DYM: variants seen among roughly 807,000 people sequenced by gnomAD.
DYM encodes the protein dyggve-Melchior-Clausen syndrome protein.
In DYM, 78 loss-of-function variants were observed where a neutral mutation model predicts 93.1. The ratio of observed to expected loss-of-function variants is 0.84; its 90% CI spans 0.70 to 1.01. The LOEUF (loss-of-function observed/expected upper bound fraction) is 1.01. DYM is among the 50% of genes least tolerant of loss of function. DYM has a pLI of 0.00. For synonymous variants in DYM, 321 were observed against 319.7 expected, an observed-to-expected ratio of 1.00 and a Z score of -0.04; for missense variants, 789 against 845.0, an observed-to-expected ratio of 0.93 and a Z score of 0.82.
chr18:49,205,680 A>C (rs2092437782), intron 14 of DYM, among the ~76,000 whole-genome samples: 1 of 152,180 alleles, frequency 6.6e-6, no homozygotes, highest in Non-Finnish European at 1.5e-5. Flanking sequence ...GAGAACAAAA[A>C]TTAAGGGGAG....
chr18:49,209,413 T>A (rs974840895), intron 14 of DYM, 138 bp downstream of exon 14: 28 of 555,470 alleles, frequency 5.0e-5, no homozygotes, highest in Non-Finnish European at 6.3e-5. Flanking sequence ...GCTATTATTT[T>A]AAAAAAATTA....
At chr18:49,276,876 G>A (rs2145637871) in intron 10 of DYM, among the ~76,000 whole-genome samples, 1 of 152,272 alleles carries the variant, frequency 6.6e-6, no homozygotes, top group East Asian at 1.9e-4. Flanking sequence ...ACCAGTTAAA[G>A]ATGTTGCAAT....
At chr18:49,398,167 T>G (rs2070348659) in intron 2 of DYM, among the ~76,000 whole-genome samples, 1 of 152,198 alleles carries the variant, frequency 6.6e-6, no homozygotes, top group Non-Finnish European at 1.5e-5. Flanking sequence ...TTTAACAAAA[T>G]AACCTAGAAG....
chr18:49,142,506 G>A (rs537707727), intron 15 of DYM, among the ~76,000 whole-genome samples: 1 of 152,150 alleles, frequency 6.6e-6, no homozygotes, highest in African/African-American at 2.4e-5. Context: ...AAAAGAGGAT[G>A]CATGTTATTA....
At chr18:49,379,096 A>G (rs1365093754) in intron 4 of DYM, among the ~76,000 whole-genome samples, 6 of 152,210 alleles carry the variant, frequency 3.9e-5, no homozygotes, top group African/African-American at 1.4e-4. Context: ...AGGCATTGCC[A>G]GCAGCACGGT....
At chr18:49,185,759 G>A (rs1296728831) in intron 14 of DYM, among the ~76,000 whole-genome samples, 1 of 152,194 alleles carries the variant, frequency 6.6e-6, no homozygotes, top group African/African-American at 2.4e-5. Context: ...ACCCAGAGGG[G>A]CAGGTTTCCC....
At position 49,218,353 on chromosome 18, in the gene DYM, G is replaced by A. The variant is rs528682273; in HGVS notation, c.1461-8638C>T. ...CAACATTAGACAGATCAACGAAACA[G>A]AAAGTTAACAAGGATATCCAGGAAT... On this transcript the variant is annotated intron_variant, in intron 13 of 17. Coordinates refer to ENST00000675505, the MANE Select transcript of DYM (RefSeq NM_001353214.3). Among the ~76,000 whole-genome samples, 122 of 152,288 alleles carry A rather than the reference G, an allele frequency of 8.0e-4. No homozygotes were observed. In the Middle Eastern group the frequency reaches 0.014, roughly 17 times the overall value.
At chr18:49,441,267 TAA>T (rs1568454572) in intron 1 of DYM, among the ~76,000 whole-genome samples, 597 of 36,322 alleles carry the variant, frequency 0.016, 37 homozygotes, top group African/African-American at 0.061. Context: ...TATAATTATA[TAA>T]TATATATTAT....
At chr18:49,431,896 A>G (rs77705714) in intron 1 of DYM, 13,878 of 152,126 alleles carry the variant, frequency 0.091, 851 homozygotes, top group East Asian at 0.31. Context: ...GCCTGCCCCT[A>G]AAGCTGAGGC....
At chr18:49,230,108 A>G (rs2093652025) in intron 13 of DYM, among the ~76,000 whole-genome samples, 1 of 152,178 alleles carries the variant, frequency 6.6e-6, no homozygotes, top group African/African-American at 2.4e-5. Flanking sequence ...AGATGAACAT[A>G]TTATCTTCAC....
In DYM at chr18:49,412,719, G is replaced by T. The variant is rs528562242; in HGVS notation, c.140+17536C>A. ...AAGTTCTAATAAAATTGAACATAAA[G>T]TGTGCCAAAGAGCCTAAAAATATAG... On this transcript the variant is annotated intron_variant, in intron 2 of 17. Transcript: ENST00000675505. 9.2e-5 allele frequency among the ~76,000 whole-genome samples: 14 copies of T among 152,254 alleles called. No individual in the cohort carries two copies. The South Asian group carries it at 1.9e-3, about 20-fold the overall frequency.
intron 16 of DYM, among the ~76,000 whole-genome samples, chr18:49,105,584 T>A (rs538376940): frequency 5.3e-5 from 8 of 152,364 alleles, no homozygotes; most frequent in Middle Eastern, 3.4e-3. Flanking sequence ...TTTGAATGTG[T>A]CCCAGAGATT....
At chr18:49,062,543 C>A (rs992961613) in intron 17 of DYM, among the ~76,000 whole-genome samples, 7 of 152,222 alleles carry the variant, frequency 4.6e-5, no homozygotes, top group Admixed American at 4.6e-4. Context: ...TTAAGATTCC[C>A]GAGACAAGAG....
chr18:49,443,754 G>T (rs1338907617), intron 1 of DYM, among the ~76,000 whole-genome samples: 1 of 152,164 alleles, frequency 6.6e-6, no homozygotes, highest in Non-Finnish European at 1.5e-5. Context: ...ATTAAAAATG[G>T]AAATAGGGCT....
At chr18:49,101,471 C>G (rs2080130710) in intron 16 of DYM, among the ~76,000 whole-genome samples, 1 of 152,028 alleles carries the variant, frequency 6.6e-6, no homozygotes, top group South Asian at 2.1e-4. Flanking sequence ...CACATTTAAC[C>G]ACCTGTCATG....
At chr18:49,291,337 G>A (rs1171816200) in intron 8 of DYM, among the ~76,000 whole-genome samples, 2 of 152,038 alleles carry the variant, frequency 1.3e-5, no homozygotes, top group African/African-American at 4.8e-5. Context: ...CTAATATTTT[G>A]TACTTTTTAC....
At chr18:49,318,882 C>T (rs2062231986) in intron 8 of DYM, among the ~76,000 whole-genome samples, 1 of 143,638 alleles carries the variant, frequency 7.0e-6, no homozygotes, top group Non-Finnish European at 1.5e-5. Flanking sequence ...CTCACTGTAA[C>T]CTCCGCCCTC....
At chr18:49,388,978 T>A (rs550401310) in intron 3 of DYM, among the ~76,000 whole-genome samples, 4 of 151,784 alleles carry the variant, frequency 2.6e-5, no homozygotes, top group Admixed American at 2.0e-4. Context: ...TTAAAAAAAT[T>A]TTTTTTTCAA....
chr18:49,393,777 AAAT>A (rs1178857109), intron 2 of DYM: 3 of 152,230 alleles, frequency 2.0e-5, no homozygotes, highest in East Asian at 1.9e-4. Flanking sequence ...TCTCAAAAGA[AAAT>A]AATAATAAAA....
Sources: allele counts gnomAD v4.1 joint callset (sites outside exome capture counted in the v4.1 genomes callset), GRCh38; gene constraint gnomAD v4.1.1; transcripts MANE v1.5; gene names NCBI Gene and HGNC (gene_info 2026-07-23, HGNC 2026-07-21).